Variants in BIRC6 observed in about 807,000 individuals in gnomAD.
BIRC6 encodes the protein dual E2 ubiquitin-conjugating enzyme/E3 ubiquitin-protein ligase BIRC6.
A neutral mutation model predicts 503.3 loss-of-function variants in BIRC6; 98 were observed. The observed-to-expected ratio is 0.19, with a 90% CI of 0.17 to 0.23. The LOEUF is 0.23. Among genes scored for constraint, BIRC6 ranks in the 10% least tolerant of loss-of-function variants. The probability of loss-of-function intolerance (pLI) is 1.00; values close to 1 mark genes in which losing one functional copy is unlikely to be tolerated. For synonymous variants in BIRC6, 2,240 were observed against 2,078.7 expected, an observed-to-expected ratio of 1.08 and a Z score of -2.11; for missense variants, 5,360 against 5,806.0, an observed-to-expected ratio of 0.92 and a Z score of 2.50.
Position 32,433,631 on chromosome 2 carries a change from C to A in BIRC6, c.3249-13C>A. The A allele has an allele frequency of 6.6e-7, 1 of 1,525,566 alleles. No homozygotes were observed. The allele number at this position is 1,525,566 out of a possible 1,614,324, so 94.5% of individuals were successfully genotyped here. Reference sequence around the variant, plus strand: ...TTTTTGCTTTATTTAGCATTTTTCCCCTTATTTGACAGCAACAGCTGGGAT... The same window carrying A: ...TTTTTGCTTTATTTAGCATTTTTCCACTTATTTGACAGCAACAGCTGGGAT... On this transcript the variant is annotated splice_polypyrimidine_tract_variant and intron_variant, in intron 12 of 73. Transcript: ENST00000421745.
At chr2:32,500,575 A>G (rs1171598271) in intron 46 of BIRC6, among the ~76,000 whole-genome samples, 1 of 145,224 alleles carries the variant, frequency 6.9e-6, no homozygotes, top group Non-Finnish European at 1.5e-5. Flanking sequence ...GTGTGCCACC[A>G]TGCCCCTGCT....
At chr2:32,603,342 G>A (rs960958546) in intron 71 of BIRC6, among the ~76,000 whole-genome samples, 5 of 152,016 alleles carry the variant, frequency 3.3e-5, no homozygotes, top group Admixed American at 6.6e-5. Context: ...CAGGCCAGGC[G>A]CAGTGCCCAC....
At position 32,390,202 on chromosome 2, in the gene BIRC6, G is replaced by A. The variant is rs954445410; in HGVS notation, c.839+1259G>A. On this transcript the variant is annotated intron_variant, in intron 4 of 73. Coordinates refer to ENST00000421745, the MANE Select transcript of BIRC6 (RefSeq NM_016252.4). ...TATTTTTGTTTTGAGATGGAGTCTC[G>A]CTCTGTTGCCCAGGCTGGAGTTCAG... 4.3e-4 allele frequency among the ~76,000 whole-genome samples: 64 copies of A among 147,958 alleles called. 1 individual carries two copies. Among genetic ancestry groups the A allele is most frequent in the African/African-American group, 1.3e-3 (53 of 39,908 alleles).
chr2:32,430,946 C>T lies in BIRC6; in HGVS notation c.3104C>T (p.Thr1035Ile), dbSNP rs779184919. The T allele has an allele frequency of 1.9e-6, 3 of 1,612,978 alleles. No homozygotes were observed. Among genetic ancestry groups the T allele is most frequent in the Non-Finnish European group, 2.5e-6 (3 of 1,179,724 alleles). ...GAGCTAACCCGCTTTGAGACTTTGACTCCAAGGTTTTCAGCGACTGTTCCT... is the reference window on the plus strand; with the variant it reads ...GAGCTAACCCGCTTTGAGACTTTGATTCCAAGGTTTTCAGCGACTGTTCCT... The part of the protein sequence containing the change: ...LVELTRFETL[T>I]PRFSATVPPC... Residue 1035 changes from threonine (T) to isoleucine (I), a missense_variant, in exon 12 of 74, where the codon ACT becomes ATT. By Grantham distance (89) the Thr-to-Ile change is moderately conservative (BLOSUM62 -1). Transcript: ENST00000421745.
rs1362756721 is a variant in BIRC6 at position 32,479,516 on chromosome 2, A to C, written c.7307A>C (p.Asp2436Ala). Residue 2436 changes from aspartate (D) to alanine (A), a missense_variant, in exon 37 of 74, where the codon GAT becomes GCT. By Grantham distance (126) the Asp-to-Ala change is moderately radical (BLOSUM62 -2). This residue lies in a region of BIRC6 where 2,299 missense variants were observed against 2,267.2 expected (regional missense o/e 1.01). Transcript: ENST00000421745. ...GCCATGGAGGAAGGAACAGTGGGTG[A>C]TGATGTAGGTGCGACAGCTGGTGAC... is the stretch of plus-strand genomic sequence containing the variant. ...AEAMEEGTVG[D>A]DVGATAGDSD... 6.2e-7 allele frequency: 1 copy of C among 1,605,668 alleles called. No homozygotes were observed. Among genetic ancestry groups the C allele is most frequent in the Middle Eastern group, 1.7e-4 (1 of 6,050 alleles).
chr2:32,593,654 A>G (rs756925578), intron 66 of BIRC6, among the ~76,000 whole-genome samples: 28 of 152,164 alleles, frequency 1.8e-4, no homozygotes, highest in Non-Finnish European at 2.6e-4. Flanking sequence ...TGTGTTTTTA[A>G]AAGTGTGTCT....
intron 66 of BIRC6, among the ~76,000 whole-genome samples, chr2:32,575,689 C>A (rs190698030): frequency 1.2e-4 from 18 of 151,636 alleles, no homozygotes; most frequent in Admixed American, 8.5e-4. Context: ...GGCGTGAACC[C>A]GGGAGGCAGA....
At chr2:32,397,574 C>CTGTGTGTG (rs147651911) in intron 6 of BIRC6, among the ~76,000 whole-genome samples, 1,552 of 138,034 alleles carry the variant, frequency 0.011, 16 homozygotes, top group South Asian at 0.029. Flanking sequence ...CCCGTAAAGG[C>CTGTGTGTG]TGTGTGTGTG....
chr2:32,473,726 TGTGTGTGTGTGTGTGTGTGTGTGTA>T (rs1275973268), intron 33 of BIRC6, among the ~76,000 whole-genome samples: 2 of 139,534 alleles, frequency 1.4e-5, no homozygotes, highest in African/African-American at 5.4e-5. Flanking sequence ...TGTGTGTGTG[TGTGTGTGTGTGTGTGTGTGTGTGTA>T]TTTTTTTTTT....
At chr2:32,471,276 C>G (rs574889044) in intron 32 of BIRC6, 152 bp downstream of exon 32, 33 of 547,242 alleles carry the variant, frequency 6.0e-5, no homozygotes, top group Non-Finnish European at 7.4e-5. Context: ...ATGAACTTCA[C>G]TACAATTCTG....
intron 4 of BIRC6, among the ~76,000 whole-genome samples, chr2:32,390,748 A>G (rs552672737): frequency 4.6e-4 from 70 of 152,344 alleles, no homozygotes; most frequent in Non-Finnish European, 8.1e-4. Flanking sequence ...TTAAACTTCT[A>G]TTATTTTTAG....
chr2:32,506,330 A>G lies in BIRC6; in HGVS notation c.9700+1125A>G, dbSNP rs565736742. On this transcript the variant is annotated intron_variant, in intron 50 of 73. Coordinates refer to ENST00000421745, the MANE Select transcript of BIRC6 (RefSeq NM_016252.4). ...ATTCCTGGCATCTTTGGAGAAAACA[A>G]TTTTTTTCTATGTGTTTGCAAGATT... Among the ~76,000 whole-genome samples the G allele has an allele frequency of 3.6e-4, 55 of 152,250 alleles. No homozygotes were observed. In the East Asian group the frequency reaches 4.0e-3, roughly 11 times the overall value.
Position 32,588,633 on chromosome 2 carries a change from A to G in BIRC6, c.13356-5282A>G, listed in dbSNP as rs183220908. Among the ~76,000 whole-genome samples the G allele has an allele frequency of 3.7e-4, 57 of 152,252 alleles. 2 individuals are homozygous for G. The East Asian group carries it at 0.01, about 28-fold the overall frequency. On this transcript the variant is annotated intron_variant, in intron 66 of 73. Coordinates refer to ENST00000421745, the MANE Select transcript of BIRC6 (RefSeq NM_016252.4). ...TAAAGGATTTATGCAGCAGTACTTG[A>G]TATTTAAAGAGTAAGCAAAAACACT... is the stretch of plus-strand genomic sequence containing the variant.
intron 67 of BIRC6, among the ~76,000 whole-genome samples, chr2:32,594,702 A>G (rs866535005): frequency 1.9e-4 from 29 of 148,960 alleles, no homozygotes; most frequent in Admixed American, 1.9e-3. Flanking sequence ...GTTTCCAGAT[A>G]GATGGATGGA....
At chr2:32,530,802 CTT>C (rs1003229390) in intron 60 of BIRC6, among the ~76,000 whole-genome samples, 9 of 152,084 alleles carry the variant, frequency 5.9e-5, no homozygotes, top group Non-Finnish European at 1.3e-4. Flanking sequence ...TTATTTCTCT[CTT>C]TTGTTTTAAT....
At chr2:32,467,767 T>C (rs376895182) in intron 27 of BIRC6, 28 bp downstream of exon 27, 20 of 1,575,940 alleles carry the variant, frequency 1.3e-5, no homozygotes, top group African/African-American at 2.7e-5. Flanking sequence ...AGTAAATTGA[T>C]ACGCTTTCTA....
chr2:32,536,133 GC>G (rs1312217752), intron 61 of BIRC6, among the ~76,000 whole-genome samples: 4 of 152,054 alleles, frequency 2.6e-5, no homozygotes, highest in African/African-American at 9.7e-5. Flanking sequence ...CATATCCTTC[GC>G]CCACTTTTTG....
rs1160296222 is a variant in BIRC6 at position 32,575,172 on chromosome 2, A to G, written c.13161A>G (p.Arg4387=). ...LRNDSVLDMA[R]HVPLYRALLE... is the part of the protein sequence containing the mutation. ...TCCTTATAGTTCTGGACATGGCAAG[A>G]CATGTGCCACTCTATCGGGCACTGC... is the stretch of plus-strand genomic sequence containing the variant. Residue 4387 remains arginine (R), a synonymous_variant, in exon 66 of 74, where the codon AGA becomes AGG. Coordinates refer to ENST00000421745, the MANE Select transcript of BIRC6 (RefSeq NM_016252.4). The G allele has an allele frequency of 3.7e-6, 6 of 1,613,896 alleles. No homozygotes were observed. Among genetic ancestry groups the G allele is most frequent in the Non-Finnish European group, 5.1e-6 (6 of 1,179,896 alleles).
At chr2:32,519,864 G>A (rs1416714268) in intron 57 of BIRC6, among the ~76,000 whole-genome samples, 1 of 152,120 alleles carries the variant, frequency 6.6e-6, no homozygotes, top group Non-Finnish European at 1.5e-5. Context: ...GTGAAATTCT[G>A]GTTAATCAGT....
Sources: allele counts gnomAD v4.1 joint callset (sites outside exome capture counted in the v4.1 genomes callset), GRCh38; gene constraint gnomAD v4.1.1; regional missense constraint gnomAD v4.1.1; transcripts MANE v1.5; gene names NCBI Gene and HGNC (gene_info 2026-07-23, HGNC 2026-07-21).